PROX1: variants seen among roughly 807,000 people sequenced by gnomAD.
PROX1 encodes prospero homeobox 1, also known as prospero homeobox protein 1.
In PROX1, 7 loss-of-function variants were observed where a neutral mutation model predicts 58.8. The ratio of observed to expected loss-of-function variants is 0.12; its 90% confidence interval spans 0.07 to 0.22. PROX1 has a LOEUF of 0.22. Ranked by LOEUF, PROX1 falls within the 10% of genes least tolerant of loss-of-function variation. PROX1 has a pLI of 1.00. For synonymous variants in PROX1, 350 were observed against 358.3 expected (o/e 0.98, Z 0.26); for missense variants, 675 against 927.8 (o/e 0.73, Z 3.54).
rs1450628823 is a variant in PROX1 at position 214,039,885 on chromosome 1, T to C, written c.*4051T>C. On this transcript the variant is annotated 3_prime_UTR_variant, in exon 5 of 5. Coordinates refer to ENST00000366958, the MANE Select transcript of PROX1 (RefSeq NM_001270616.2). ...TTTGGGGACTTTAAAAAATAGGATGTCCTCCAGGAACAATCATAAATTTAT... is the reference window on the plus strand; with the variant it reads ...TTTGGGGACTTTAAAAAATAGGATGCCCTCCAGGAACAATCATAAATTTAT... 1 of 151,920 alleles carries C rather than the reference T, an allele frequency of 6.6e-6. No homozygotes were observed. Among genetic ancestry groups the C allele is most frequent in the Non-Finnish European group, 1.5e-5 (1 of 67,998 alleles). The allele number at this position is 151,920 out of a possible 1,614,324, so 9.4% of individuals were successfully genotyped here.
intron 1 of PROX1, among the ~76,000 whole-genome samples, chr1:213,995,415 T>A (rs1163003897): frequency 6.6e-6 from 1 of 152,082 alleles, no homozygotes; most frequent in African/African-American, 2.4e-5. Flanking sequence ...ACACATTTGA[T>A]GGACATTATT....
intron 4 of PROX1, among the ~76,000 whole-genome samples, chr1:214,026,609 T>A (rs1290874773): frequency 6.6e-6 from 1 of 152,254 alleles, no homozygotes; most frequent in Non-Finnish European, 1.5e-5. Context: ...AATTATATAA[T>A]ATTTTAACAA....
rs1439822849 is a variant in PROX1 at position 213,996,983 on chromosome 1, A to G, written c.448A>G (p.Ser150Gly). The G allele has an allele frequency of 1.2e-6, 2 of 1,614,048 alleles. No homozygotes were observed. Among genetic ancestry groups the G allele is most frequent in the Non-Finnish European group, 1.7e-6 (2 of 1,180,026 alleles). ...CLSPFGRPTM[S>G]QFDMDRLCDE... is the part of the protein sequence containing the mutation. The stretch of plus-strand genomic sequence containing the variant: ...TTCCCCTTTTGGCAGGCCTACTATG[A>G]GCCAGTTTGATATGGATCGCTTATG... The change falls in exon 2 of 5, where the codon AGC (serine) becomes GGC (glycine). Residue 150 changes from serine (S) to glycine (G), a missense_variant. By Grantham distance (56) the Ser-to-Gly change is moderately conservative (BLOSUM62 0). Transcript: ENST00000366958.
At chr1:214,017,859 C>G (rs1021521946) in intron 4 of PROX1, among the ~76,000 whole-genome samples, 6 of 152,168 alleles carry the variant, frequency 3.9e-5, no homozygotes, top group African/African-American at 1.4e-4. Flanking sequence ...GAGGAAAGTT[C>G]AGAAACAGTG....
chr1:213,989,473 G>C (rs1662942943), intron 1 of PROX1, among the ~76,000 whole-genome samples: 1 of 152,030 alleles, frequency 6.6e-6, no homozygotes, highest in South Asian at 2.1e-4. Context: ...CTATGGTGTT[G>C]GGCAGCTTCG....
chr1:214,005,047 C>T (rs1307079714), intron 2 of PROX1, 118 bp from the exon 3 acceptor site: 10 of 732,098 alleles, frequency 1.4e-5, no homozygotes, highest in East Asian at 2.7e-5. Flanking sequence ...ATATACCTTC[C>T]AGCACTCCCA....
rs1664927019 is a variant in PROX1 at position 214,039,215 on chromosome 1, CA to C, written c.*3385del. ...TGTGAAAAGAATGTTCTATTTGCAA[CA>C]AAACATTTAATTCTTACTGTATCTC... is the stretch of plus-strand genomic sequence containing the variant. On this transcript the variant is annotated 3_prime_UTR_variant, in exon 5 of 5. Transcript: ENST00000366958. 1 of 152,074 alleles carries C rather than the reference CA, an allele frequency of 6.6e-6. No individual in the cohort carries two copies. Among genetic ancestry groups the C allele is most frequent in the Admixed American group, 6.6e-5 (1 of 15,266 alleles). The allele number at this position is 152,074 out of a possible 1,614,324, so 9.4% of individuals were successfully genotyped here. A position where few individuals can be genotyped will look rare whatever the true frequency, so the allele number is the denominator to read the frequency against.
chr1:214,033,892 G>A (rs1664745394), intron 4 of PROX1, among the ~76,000 whole-genome samples: 1 of 152,250 alleles, frequency 6.6e-6, no homozygotes, highest in South Asian at 2.1e-4. Flanking sequence ...TCACCCAAAG[G>A]CCTGTAGAAA....
intron 1 of PROX1, among the ~76,000 whole-genome samples, chr1:213,993,145 A>C (rs1253603421): frequency 6.6e-6 from 1 of 152,184 alleles, no homozygotes; most frequent in Non-Finnish European, 1.5e-5. Flanking sequence ...CAAAATATTT[A>C]ATGATGAAAA....
intron 3 of PROX1, 66 bp downstream of exon 3, chr1:214,005,338 G>A: frequency 8.3e-7 from 1 of 1,209,532 alleles, no homozygotes; most frequent in South Asian, 1.3e-5. Context: ...TGAACTCCCG[G>A]AAGTTAATGG....
In PROX1 at chr1:213,997,221, A is replaced by G; in HGVS notation, c.686A>G (p.Lys229Arg). The change falls in exon 2 of 5, where the codon AAA (lysine) becomes AGA (arginine). Residue 229 changes from lysine to arginine, a missense_variant. Lys to Arg is a conservative substitution (Grantham distance 26). Around this residue, in one of 8 missense-constraint regions of PROX1, gnomAD observed 403 missense variants for 477.4 expected, o/e 0.84. Coordinates refer to ENST00000366958, the MANE Select transcript of PROX1 (RefSeq NM_001270616.2). This position sits in a 1 kb window ranked among gnomAD's most constrained non-coding sequence, Gnocchi z 7.1. ...QSFQQLVSAR[K>R]EQKREERRQL... Reference sequence around the variant, plus strand: ...TTCCAGCAGCTGGTTTCAGCCCGAAAAGAACAGAAGCGAGAGGAGCGCCGA... The same window carrying G: ...TTCCAGCAGCTGGTTTCAGCCCGAAGAGAACAGAAGCGAGAGGAGCGCCGA... 6.2e-7 allele frequency: 1 copy of G among 1,612,310 alleles called. No individual in the cohort carries two copies. Among genetic ancestry groups the G allele is most frequent in the Non-Finnish European group, 8.5e-7 (1 of 1,179,454 alleles).
intron 4 of PROX1, among the ~76,000 whole-genome samples, chr1:214,020,247 T>C (rs142333971): frequency 2.6e-5 from 4 of 152,264 alleles, no homozygotes; most frequent in Non-Finnish European, 5.9e-5. Context: ...CTTGGATCCT[T>C]TATTTGCACC....
rs1664818615 is a variant in PROX1, at chr1:214,036,053, G to T, written c.*219G>T. 7.6e-6 allele frequency: 3 copies of T among 395,368 alleles called. No individual in the cohort carries two copies. The highest frequency in any genetic ancestry group is 2.1e-5 in the African/African-American group (1 of 48,342). 24.5% of individuals were successfully genotyped at this position (395,368 alleles called of 1,614,324 possible). A position where few individuals can be genotyped will look rare whatever the true frequency, so the allele number is the denominator to read the frequency against. ...TTCTTTCTGCCTTTAGTTTGCTTTT[G>T]CCCAAGGCCCTTAACATTTGGACAC... On this transcript the variant is annotated 3_prime_UTR_variant, in exon 5 of 5. Transcript: ENST00000366958.
At chr1:214,010,274 T>C (rs554672033) in intron 3 of PROX1, among the ~76,000 whole-genome samples, 18 of 152,280 alleles carry the variant, frequency 1.2e-4, no homozygotes, top group African/African-American at 4.3e-4. Flanking sequence ...AAGTTGGCCT[T>C]TTGGGAGAAA....
chr1:214,019,343 CG>C (rs1345316413), intron 4 of PROX1, among the ~76,000 whole-genome samples: 2 of 152,138 alleles, frequency 1.3e-5, no homozygotes, highest in African/African-American at 4.8e-5. Flanking sequence ...TGGCTAGGCA[CG>C]GGTTCTGGGA....
intron 4 of PROX1, among the ~76,000 whole-genome samples, chr1:214,024,707 G>T (rs1664393876): frequency 6.6e-6 from 1 of 152,186 alleles, no homozygotes; most frequent in Non-Finnish European, 1.5e-5. Context: ...TGAAGGTAAA[G>T]CTGTGGCAGA....
intron 1 of PROX1, among the ~76,000 whole-genome samples, chr1:213,992,637 T>C (rs1381828016): frequency 6.6e-6 from 1 of 152,138 alleles, no homozygotes; most frequent in African/African-American, 2.4e-5. Flanking sequence ...TTTCTTCAAA[T>C]AATTTTATCA....
intron 4 of PROX1, among the ~76,000 whole-genome samples, chr1:214,034,217 A>G (rs1230375649): frequency 6.6e-6 from 1 of 152,182 alleles, no homozygotes; most frequent in Admixed American, 6.5e-5. Flanking sequence ...TCGGGTGATG[A>G]TTCTGGTTTT....
chr1:214,025,382 G>A (rs148071805), intron 4 of PROX1, among the ~76,000 whole-genome samples: 36 of 152,334 alleles, frequency 2.4e-4, no homozygotes, highest in Non-Finnish European at 4.7e-4. Flanking sequence ...CCTCAAGTTT[G>A]GCTAAAAGCA....
Sources: allele counts gnomAD v4.1 joint callset (sites outside exome capture counted in the v4.1 genomes callset), GRCh38; gene constraint gnomAD v4.1.1; regional missense constraint gnomAD v4.1.1; non-coding constraint Gnocchi (gnomAD v3.1); transcripts MANE v1.5; gene names NCBI Gene and HGNC (gene_info 2026-07-23, HGNC 2026-07-21).